The following DENND1B variants were observed in gnomAD, a reference collection of about 807,000 sequenced individuals.
DENND1B encodes DENN domain-containing protein 1B.
A neutral mutation model predicts 90.1 loss-of-function variants in DENND1B; 59 were observed. The ratio of observed to expected loss-of-function variants is 0.65; its 90% CI spans 0.53 to 0.81. DENND1B has a LOEUF of 0.81. DENND1B is among the 40% of genes least tolerant of loss of function. The probability of loss-of-function intolerance (pLI) is 0.00; values close to 1 mark genes in which losing one functional copy is unlikely to be tolerated. For synonymous variants in DENND1B, 337 were observed against 324.6 expected, an observed-to-expected ratio of 1.04 and a Z score of -0.41; for missense variants, 862 against 912.6, an observed-to-expected ratio of 0.94 and a Z score of 0.71.
chr1:197,714,468 T>C (rs1485364245), intron 3 of DENND1B, among the ~76,000 whole-genome samples: 1 of 152,074 alleles, frequency 6.6e-6, no homozygotes, highest in Non-Finnish European at 1.5e-5. Context: ...TACAGAAGAC[T>C]ATAACATAAA....
Position 197,645,730 on chromosome 1 carries a change from A to G in DENND1B, c.521T>C (p.Ile174Thr). The change falls in exon 9 of 23, where the codon ATT (isoleucine) becomes ACT (threonine). Residue 174 changes from isoleucine (I) to threonine (T), a missense_variant. Transcript: ENST00000620048. ...TGGGAGTCCAGTTACATCAGGGGCA[A>G]TGAAGTAGGAATGCTAATCAATACA... ...QPALVPHSYF[I>T]APDVTGLPTI... is the part of the protein sequence containing the mutation. 1 of 1,573,274 alleles carries G rather than the reference A, an allele frequency of 6.4e-7. No homozygotes were observed. The highest frequency in any genetic ancestry group is 8.6e-7 in the Non-Finnish European group (1 of 1,159,730).
At chr1:197,687,086 C>T (rs1367380150) in intron 3 of DENND1B, among the ~76,000 whole-genome samples, 2 of 152,160 alleles carry the variant, frequency 1.3e-5, no homozygotes, top group African/African-American at 2.4e-5. Flanking sequence ...AAATGGGAGT[C>T]TTTATTTCTG....
In DENND1B at chr1:197,510,775, G is replaced by C. The variant is rs1361955353; in HGVS notation, c.2013C>G (p.His671Gln). 6.2e-7 allele frequency: 1 copy of C among 1,612,440 alleles called. No individual in the cohort carries two copies. Among genetic ancestry groups the C allele is most frequent in the Non-Finnish European group, 8.5e-7 (1 of 1,179,100 alleles). The change falls in exon 23 of 23, where the codon CAC becomes CAG. Residue 671 changes from histidine to glutamine, a missense_variant. By Grantham distance (24) the His-to-Gln change is conservative (BLOSUM62 0). Coordinates refer to ENST00000620048, the MANE Select transcript of DENND1B (RefSeq NM_001195215.2). ...GGTCACTCACATTGTCAGCACCGAG[G>C]TGCTTGTTACTGTTTTCCTCTTTCA... ...FILKEENSNK[H>Q]LGADNVSDPT...
At chr1:197,727,200 C>T (rs1312671437) in intron 2 of DENND1B, among the ~76,000 whole-genome samples, 2 of 152,130 alleles carry the variant, frequency 1.3e-5, no homozygotes, top group Non-Finnish European at 2.9e-5. Context: ...AACATGCTTA[C>T]TAATAATTAA....
chr1:197,542,917 T>TTTTATTTATTTATTTA (rs56325969), intron 18 of DENND1B, among the ~76,000 whole-genome samples: 2 of 148,012 alleles, frequency 1.4e-5, no homozygotes, highest in African/African-American at 5.0e-5. Flanking sequence ...TAGAAACCTT[T>TTTTATTTATTTATTTA]TTTATTTATT....
At chr1:197,741,748 T>C (rs1335823952) in intron 2 of DENND1B, among the ~76,000 whole-genome samples, 3 of 151,942 alleles carry the variant, frequency 2.0e-5, no homozygotes, top group Non-Finnish European at 4.4e-5. Flanking sequence ...ATGAATAAAA[T>C]GGGCATAAAC....
At chr1:197,703,940 C>T (rs1571423025) in intron 3 of DENND1B, among the ~76,000 whole-genome samples, 1 of 152,252 alleles carries the variant, frequency 6.6e-6, no homozygotes, top group South Asian at 2.1e-4. Context: ...TTCTCCATCT[C>T]TCTCCAGTCC....
chr1:197,552,834 G>A, intron 16 of DENND1B, 188 bp downstream of exon 16: 1 of 1,347,722 alleles, frequency 7.4e-7, no homozygotes, highest in East Asian at 3.1e-5. Context: ...TTAATGCCTT[G>A]AGTAACAGGT....
chr1:197,734,837 T>C, intron 2 of DENND1B: 1 of 984,398 alleles, frequency 1.0e-6, no homozygotes, highest in Non-Finnish European at 1.2e-6. Context: ...ACAAAAGAAA[T>C]ACATTTATTC....
chr1:197,599,682 A>C (rs1013170071), intron 13 of DENND1B, among the ~76,000 whole-genome samples: 4 of 151,944 alleles, frequency 2.6e-5, no homozygotes, highest in Admixed American at 1.3e-4. Context: ...TAAGAAGCAA[A>C]ATTAACACTT....
At chr1:197,560,084 T>C (rs943829248) in intron 15 of DENND1B, among the ~76,000 whole-genome samples, 4 of 151,900 alleles carry the variant, frequency 2.6e-5, no homozygotes, top group Non-Finnish European at 5.9e-5. Context: ...CTCAGTGCAA[T>C]GTACTATTAA....
chr1:197,764,424 T>C (rs991114416), intron 2 of DENND1B, among the ~76,000 whole-genome samples: 1 of 152,224 alleles, frequency 6.6e-6, no homozygotes, highest in African/African-American at 2.4e-5. Flanking sequence ...TAAGGTCCTG[T>C]AACCATGACA....
chr1:197,536,160 T>TAGAGGAGATGAGATG (rs1669881651), intron 20 of DENND1B, among the ~76,000 whole-genome samples: 1 of 126,234 alleles, frequency 7.9e-6, no homozygotes, highest in Non-Finnish European at 1.6e-5. Flanking sequence ...GAGAGAGAGA[T>TAGAGGAGATGAGATG]AGATGAGATG....
At chr1:197,565,486 CTTTTA>C (rs1381005099) in intron 15 of DENND1B, among the ~76,000 whole-genome samples, 4 of 148,520 alleles carry the variant, frequency 2.7e-5, no homozygotes, top group South Asian at 2.1e-4. Context: ...TTTTTTTTTT[CTTTTA>C]TTTTATTATT....
At chr1:197,627,476 G>C (rs1239624164) in intron 10 of DENND1B, among the ~76,000 whole-genome samples, 5 of 151,194 alleles carry the variant, frequency 3.3e-5, no homozygotes, top group Admixed American at 6.6e-5. Context: ...CAAAATTCAA[G>C]AACACTTCAT....
intron 15 of DENND1B, among the ~76,000 whole-genome samples, chr1:197,567,743 G>A (rs1056312557): frequency 1.3e-5 from 2 of 151,902 alleles, no homozygotes; most frequent in African/African-American, 4.8e-5. Context: ...ATGCACAAAG[G>A]CATTTGACAA....
At chr1:197,540,394 G>C (rs1293956778) in intron 19 of DENND1B, among the ~76,000 whole-genome samples, 1 of 151,886 alleles carries the variant, frequency 6.6e-6, no homozygotes, top group Admixed American at 6.6e-5. Context: ...GAAGATTTAA[G>C]TAGTATGTTT....
At chr1:197,604,000 CTTTT>C (rs1173375132) in intron 13 of DENND1B, among the ~76,000 whole-genome samples, 1 of 150,926 alleles carries the variant, frequency 6.6e-6, no homozygotes. Flanking sequence ...CTAACATTTA[CTTTT>C]TTTTATTTCA....
intron 22 of DENND1B, among the ~76,000 whole-genome samples, chr1:197,511,273 T>C (rs1414364564): frequency 6.6e-6 from 1 of 151,844 alleles, no homozygotes; most frequent in Admixed American, 6.6e-5. Context: ...CTTCTATCTC[T>C]GCTGTTTTTA....
Sources: gnomAD v4.1 joint callset for allele counts (sites outside exome capture counted in the v4.1 genomes callset) on GRCh38, gnomAD v4.1.1 for gene constraint, MANE v1.5 for transcripts, NCBI Gene and HGNC (gene_info 2026-07-23, HGNC 2026-07-21) for gene names.